STRA6: variants seen among roughly 807,000 people sequenced by gnomAD.
STRA6 encodes signaling receptor and transporter of retinol STRA6.
In STRA6, 48 loss-of-function variants were observed where a neutral mutation model predicts 83.6. The ratio of observed to expected loss-of-function variants is 0.57; its 90% CI spans 0.46 to 0.73. The LOEUF (loss-of-function observed/expected upper bound fraction) is 0.73. Among genes scored for constraint, STRA6 ranks in the 30% least tolerant of loss-of-function variants. STRA6 has a pLI of 0.00. For missense variants in STRA6, 760 were observed against 838.8 expected (o/e 0.91, Z 1.16); for synonymous variants, 353 against 362.3 (o/e 0.97, Z 0.29).
At chr15:74,202,640 A>T in intron 1 of STRA6, 73 bp downstream of exon 1, 2 of 1,423,232 alleles carry the variant, frequency 1.4e-6, no homozygotes, top group East Asian at 2.5e-5. Context: ...AGGCTTGTCC[A>T]GTCTGAGCTG....
At chr15:74,207,787 T>C, upstream of STRA6, 1 of 1,535,676 alleles carries the variant, frequency 6.5e-7, no homozygotes, top group Non-Finnish European at 8.7e-7. Flanking sequence ...GTGCCCTCAG[T>C]GGCACAGCAC....
chr15:74,209,272 C>T (rs889892518), upstream of STRA6: 13 of 1,257,064 alleles, frequency 1.0e-5, no homozygotes, highest in Admixed American at 4.0e-5. Flanking sequence ...CCCTCAGAGT[C>T]ACCTCAGTGG....
chr15:74,186,735 C>T (rs1188096884), intron 12 of STRA6, among the ~76,000 whole-genome samples: 1 of 152,148 alleles, frequency 6.6e-6, no homozygotes, highest in Admixed American at 6.5e-5. Flanking sequence ...TGCACCACTG[C>T]ACTCCAGCCT....
intron 7 of STRA6, chr15:74,194,447 A>G (rs935675143): frequency 5.1e-6 from 5 of 979,360 alleles, no homozygotes; most frequent in Non-Finnish European, 6.2e-6. Flanking sequence ...AGGTGGTGAA[A>G]AAAAGCCACC....
At chr15:74,205,102 A>G (rs1198308900), upstream of STRA6, among the ~76,000 whole-genome samples, 1 of 152,134 alleles carries the variant, frequency 6.6e-6, no homozygotes, top group African/African-American at 2.4e-5. Flanking sequence ...AGGGGAAGTG[A>G]AGTGGGGGAA....
At chr15:74,185,255 GACAT>G (rs1242638520) in intron 12 of STRA6, among the ~76,000 whole-genome samples, 200 bp from the exon 13 acceptor site, 1 of 152,218 alleles carries the variant, frequency 6.6e-6, no homozygotes, top group Non-Finnish European at 1.5e-5. Flanking sequence ...TCTTCCCAGT[GACAT>G]ACAGTGGTCA....
rs1257226836 is a variant in STRA6, at chr15:74,202,153, ACCC to A, written c.112_113+1del. Reference sequence around the variant, plus strand: ...AGTGAGGTGGGGTGGTTCCACACTTACCCCTCTGGCTGGAGCTCCTCGCCCCCC... The same window carrying A: ...AGTGAGGTGGGGTGGTTCCACACTTACTCTGGCTGGAGCTCCTCGCCCCCC... On this transcript the variant is annotated splice_donor_variant and coding_sequence_variant, in exon 2 of 19. Coordinates refer to ENST00000395105, the MANE Select transcript of STRA6 (RefSeq NM_022369.4). LOFTEE classifies it high-confidence loss of function. 6.7e-7 allele frequency: 1 copy of A among 1,498,314 alleles called. No homozygotes were observed. The highest frequency in any genetic ancestry group is 8.9e-7 in the Non-Finnish European group (1 of 1,125,818). 92.8% of individuals were successfully genotyped at this position (1,498,314 alleles called of 1,614,324 possible). A position where few individuals can be genotyped will look rare whatever the true frequency, so the allele number is the denominator to read the frequency against.
upstream of STRA6, among the ~76,000 whole-genome samples, chr15:74,207,405 A>G (rs1270587370): frequency 6.6e-6 from 1 of 152,166 alleles, no homozygotes; most frequent in African/African-American, 2.4e-5. Flanking sequence ...GACCTTCAGT[A>G]ACACATCAGA....
intron 14 of STRA6, chr15:74,182,975 C>T (rs946305887): frequency 2.8e-5 from 5 of 179,766 alleles, no homozygotes; most frequent in African/African-American, 7.1e-5. Context: ...AATTCATCTA[C>T]TCCTTTACCA....
At position 74,181,374 on chromosome 15, in the gene STRA6, G is replaced by T. The variant is rs141004067; in HGVS notation, c.1605C>A (p.Leu535=). The part of the protein sequence containing the change: ...GAMVATWRVL[L]SALYNAIHLG... ...GGTGGATGGCGTTGTAGAGGGCAGAGAGGAGCACTCGCCAGGTGGCCACCA... is the reference window on the plus strand; with the variant it reads ...GGTGGATGGCGTTGTAGAGGGCAGATAGGAGCACTCGCCAGGTGGCCACCA... Residue 535 remains leucine, a synonymous_variant, in exon 17 of 19, where the codon CTC becomes CTA. Transcript: ENST00000395105. 5.6e-4 allele frequency: 904 copies of T among 1,613,858 alleles called. 2 individuals are homozygous for T. The highest frequency in any genetic ancestry group is 5.3e-3 in the African/African-American group (398 of 74,992).
chr15:74,203,109 C>T, upstream of STRA6: 2 of 985,582 alleles, frequency 2.0e-6, no homozygotes, highest in East Asian at 1.1e-4. Context: ...GTGAGACGGA[C>T]CGCTGGGGCT....
rs11857410 is a variant in STRA6 at position 74,196,083 on chromosome 15, G to A, written c.331C>T (p.Leu111=). The change falls in exon 5 of 19, where the codon CTG becomes TTG. Residue 111 remains leucine (L), a synonymous_variant. Transcript: ENST00000395105. ...GGGAGCAGCAAACACAGGGAGCTCA[G>A]GAGGACCATGAAAACAGCAGCAGGC... ...AVPAAVFMVL[L]SSLCLLLPDE... is the part of the protein sequence containing the mutation. 298,340 of 1,613,882 alleles carry A rather than the reference G, an allele frequency of 0.18. 31,538 individuals are homozygous for A. The highest frequency in any genetic ancestry group is 0.21 in the Non-Finnish European group (252,139 of 1,179,920).
intron 1 of STRA6, among the ~76,000 whole-genome samples, chr15:74,208,460 G>C (rs1013162022): frequency 3.9e-5 from 6 of 152,118 alleles, no homozygotes; most frequent in Admixed American, 3.3e-4. Context: ...TGACTGCTGG[G>C]CAGATCCCCT....
chr15:74,207,795 C>A (rs2074294985), intron 1 of STRA6: 1 of 1,535,652 alleles, frequency 6.5e-7, no homozygotes. Context: ...AGTGGCACAG[C>A]ACACTCACAC....
At chr15:74,194,019 G>A (rs2073686337) in intron 7 of STRA6, 97 bp from the exon 8 acceptor site, 3 of 1,567,100 alleles carry the variant, frequency 1.9e-6, no homozygotes, top group Non-Finnish European at 2.6e-6. Flanking sequence ...TGGGCCCTGA[G>A]GGTGGTCTGG....
At chr15:74,193,422 C>T (rs1326036596) in intron 8 of STRA6, among the ~76,000 whole-genome samples, 3 of 152,108 alleles carry the variant, frequency 2.0e-5, no homozygotes, top group Non-Finnish European at 2.9e-5. Flanking sequence ...TGGAGTTCTG[C>T]CCTGGGTGCT....
chr15:74,200,802 G>A (rs1209938938), intron 2 of STRA6, among the ~76,000 whole-genome samples: 1 of 152,216 alleles, frequency 6.6e-6, no homozygotes, highest in Non-Finnish European at 1.5e-5. Flanking sequence ...CCACATGAGG[G>A]ACTGGACTCC....
At chr15:74,186,645 C>CCCAG (rs2073261057) in intron 12 of STRA6, among the ~76,000 whole-genome samples, 1 of 152,094 alleles carries the variant, frequency 6.6e-6, no homozygotes, top group Admixed American at 6.5e-5. Flanking sequence ...GTGGTATGTG[C>CCCAG]CTGTAATCCC....
At chr15:74,203,353 T>G, upstream of STRA6, 1 of 301,532 alleles carries the variant, frequency 3.3e-6, no homozygotes, top group Non-Finnish European at 4.9e-6. Context: ...AGGTTGAGGG[T>G]GAGCAAGGGA....
Sources: gnomAD v4.1 joint callset for allele counts (sites outside exome capture counted in the v4.1 genomes callset) on GRCh38, gnomAD v4.1.1 for gene constraint, MANE v1.5 for transcripts, NCBI Gene and HGNC (gene_info 2026-07-23, HGNC 2026-07-21) for gene names.